The following PRKCB variants were observed in gnomAD, a reference collection of about 807,000 sequenced individuals.
PRKCB encodes the protein protein kinase C beta type.
PRKCB carries 13 observed loss-of-function variants against 81.5 expected under a neutral mutation model. That is an observed-to-expected ratio of 0.16 (90% CI 0.10 to 0.25). The LOEUF is 0.25. Ranked by LOEUF, PRKCB falls within the 10% of genes least tolerant of loss-of-function variation. PRKCB has a pLI of 1.00. For missense variants in PRKCB, 509 were observed against 875.7 expected (o/e 0.58, Z 5.29); for synonymous variants, 335 against 321.4 (o/e 1.04, Z -0.45).
chr16:24,035,259 A>G (rs1261640324), intron 4 of PRKCB, among the ~76,000 whole-genome samples, 160 bp from the exon 5 acceptor site: 2 of 152,098 alleles, frequency 1.3e-5, no homozygotes, highest in African/African-American at 2.4e-5. Context: ...AGCCCTTCTG[A>G]TGAGATCCTG....
intron 3 of PRKCB, among the ~76,000 whole-genome samples, chr16:24,023,328 A>G (rs1268412611): frequency 6.6e-6 from 1 of 152,234 alleles, no homozygotes; most frequent in East Asian, 1.9e-4. Flanking sequence ...CACAGCATCA[A>G]GGCTAGGAAG....
At chr16:24,032,084 G>A (rs1393914843) in intron 3 of PRKCB, 52 bp from the exon 4 acceptor site, 37 of 1,315,634 alleles carry the variant, frequency 2.8e-5, no homozygotes, top group East Asian at 1.8e-4. Flanking sequence ...AGGATGAACC[G>A]TTGGCATGCT....
At chr16:24,021,061 T>TCCCTCCCC (rs1965369026) in intron 3 of PRKCB, among the ~76,000 whole-genome samples, 2 of 68,346 alleles carry the variant, frequency 2.9e-5, no homozygotes, top group African/African-American at 1.1e-4. Context: ...TTTCTTTCCC[T>TCCCTCCCC]CCCTCCCTCC....
chr16:24,093,502 C>T (rs776363464), intron 6 of PRKCB, among the ~76,000 whole-genome samples: 41 of 152,148 alleles, frequency 2.7e-4, no homozygotes, highest in African/African-American at 8.7e-4. Flanking sequence ...CTGGGTTAAG[C>T]GATCCGACTT....
intron 3 of PRKCB, among the ~76,000 whole-genome samples, chr16:24,007,147 G>C (rs1965135909): frequency 6.6e-6 from 1 of 152,162 alleles, no homozygotes; most frequent in African/African-American, 2.4e-5. Context: ...CCCTGCTTCA[G>C]TTTCCTCATC....
chr16:24,177,074 C>T (rs1424551431), intron 12 of PRKCB, among the ~76,000 whole-genome samples: 2 of 152,102 alleles, frequency 1.3e-5, no homozygotes, highest in Non-Finnish European at 2.9e-5. Flanking sequence ...TGTGCCTCTA[C>T]TAAAATAGAA....
intron 9 of PRKCB, 46 bp downstream of exon 9, chr16:24,124,027 A>G (rs1966832696): frequency 6.2e-7 from 1 of 1,609,636 alleles, no homozygotes. Context: ...AGGAACATCT[A>G]ACAACACAGG....
rs111232429 is a variant in PRKCB at position 23,925,930 on chromosome 16, G to GTTTT, written c.206-62569_206-62566dup. On this transcript the variant is annotated intron_variant, in intron 2 of 16. Transcript: ENST00000643927. Reference sequence around the variant, plus strand: ...GCATTATTTGACTTTCTCTTTCTGAGTTTTTTTTTTTTAAGATAATGGCTT... The same window carrying GTTTT: ...GCATTATTTGACTTTCTCTTTCTGAGTTTTTTTTTTTTTTTTAAGATAATGGCTT... Among the ~76,000 whole-genome samples the GTTTT allele has an allele frequency of 1.1e-3, 159 of 145,634 alleles. 1 individual carries two copies. The highest frequency in any genetic ancestry group is 3.7e-3 in the African/African-American group (150 of 40,000).
Position 24,219,731 on chromosome 16 carries a change from T to G in PRKCB, c.*4915T>G, listed in dbSNP as rs1968293152. 3.8e-6 allele frequency: 5 copies of G among 1,329,960 alleles called. No homozygotes were observed. The South Asian group carries it at 5.2e-5, about 14-fold the overall frequency. 82.4% of individuals were successfully genotyped at this position (1,329,960 alleles called of 1,614,324 possible). ...CTTTATGGCAATTCTTAACTGACAT[T>G]CAATGACTTACTTCTTTTCTTAGAA... On this transcript the variant is annotated 3_prime_UTR_variant, in exon 17 of 17. Coordinates refer to ENST00000643927, the MANE Select transcript of PRKCB (RefSeq NM_002738.7).
At chr16:24,102,388 C>A (rs1010620620) in intron 7 of PRKCB, among the ~76,000 whole-genome samples, 17 of 152,196 alleles carry the variant, frequency 1.1e-4, no homozygotes, top group African/African-American at 3.9e-4. Flanking sequence ...TGGACCAGAT[C>A]CTAGACATTT....
chr16:24,188,043 C>A (rs1036696937), intron 15 of PRKCB, among the ~76,000 whole-genome samples: 3 of 152,232 alleles, frequency 2.0e-5, no homozygotes, highest in Admixed American at 2.0e-4. Flanking sequence ...CCCGCCCTGC[C>A]TGGACAGCTG....
At chr16:24,085,260 A>C in intron 5 of PRKCB, among the ~76,000 whole-genome samples, 1 of 152,040 alleles carries the variant, frequency 6.6e-6, no homozygotes, top group Admixed American at 6.6e-5. Context: ...CCTGGACTGG[A>C]GTGGAGAGGA....
At chr16:23,890,962 A>G (rs1206504182) in intron 2 of PRKCB, among the ~76,000 whole-genome samples, 1 of 151,918 alleles carries the variant, frequency 6.6e-6, no homozygotes, top group African/African-American at 2.4e-5. Flanking sequence ...ATGTATGCCT[A>G]GGGGAAAAAA....
chr16:24,180,847 T>C lies in PRKCB; in HGVS notation c.1452T>C (p.Asp484=). 1 of 1,614,160 alleles carries C rather than the reference T, an allele frequency of 6.2e-7. No individual in the cohort carries two copies. Among genetic ancestry groups the C allele is most frequent in the Non-Finnish European group, 8.5e-7 (1 of 1,180,006 alleles). Residue 484 remains aspartate (D), a synonymous_variant, in exon 13 of 17, where the codon GAT becomes GAC. Coordinates refer to ENST00000643927, the MANE Select transcript of PRKCB (RefSeq NM_002738.7). The stretch of plus-strand genomic sequence containing the variant: ...CTGAGGGACACATCAAGATTGCCGA[T>C]TTTGGCATGTGTAAGGAAAACATCT... ...LDSEGHIKIA[D]FGMCKENIWD...
At chr16:23,878,730 T>G (rs1052587660) in intron 2 of PRKCB, among the ~76,000 whole-genome samples, 1 of 152,234 alleles carries the variant, frequency 6.6e-6, no homozygotes. Context: ...GAGGTGAATT[T>G]GCAAATAATG....
At chr16:24,106,905 T>TATG (rs2141912383) in intron 7 of PRKCB, among the ~76,000 whole-genome samples, 1 of 152,308 alleles carries the variant, frequency 6.6e-6, no homozygotes, top group South Asian at 2.1e-4. Flanking sequence ...TTTCCTGACA[T>TATG]ATGTATGTTG....
At chr16:23,933,787 CA>C (rs1567318402) in intron 2 of PRKCB, among the ~76,000 whole-genome samples, 1 of 149,190 alleles carries the variant, frequency 6.7e-6, no homozygotes, top group South Asian at 2.2e-4. Flanking sequence ...TCCATCCATC[CA>C]TCCATCCATC....
intron 5 of PRKCB, among the ~76,000 whole-genome samples, chr16:24,056,476 A>AGTGT (rs1352178006): frequency 6.6e-6 from 1 of 152,204 alleles, no homozygotes; most frequent in Non-Finnish European, 1.5e-5. Flanking sequence ...CCTGTGATAC[A>AGTGT]GTGTGGATGT....
At chr16:23,941,983 A>G (rs1459484104) in intron 2 of PRKCB, among the ~76,000 whole-genome samples, 2 of 152,270 alleles carry the variant, frequency 1.3e-5, no homozygotes, top group Non-Finnish European at 1.5e-5. Context: ...TATATTATTT[A>G]TTTTAGCAAC....
Sources: allele counts gnomAD v4.1 joint callset (sites outside exome capture counted in the v4.1 genomes callset), GRCh38; gene constraint gnomAD v4.1.1; transcripts MANE v1.5; gene names NCBI Gene and HGNC (gene_info 2026-07-23, HGNC 2026-07-21).